SYT6: variants seen among roughly 807,000 people sequenced by gnomAD.
The protein encoded by SYT6 is synaptotagmin-6.
A neutral mutation model predicts 38.4 loss-of-function variants in SYT6; 24 were observed. The observed-to-expected ratio is 0.62, with a 90% CI of 0.45 to 0.88. The LOEUF (loss-of-function observed/expected upper bound fraction) is 0.88, where lower values mean the gene tolerates loss of function less well. Among genes scored for constraint, SYT6 ranks in the 40% least tolerant of loss-of-function variants. The pLI is 0.00. For missense variants in SYT6, 611 were observed against 621.0 expected, an observed-to-expected ratio of 0.98 and a Z score of 0.17; for synonymous variants, 265 against 241.9, an observed-to-expected ratio of 1.10 and a Z score of -0.89.
intron 3 of SYT6, 102 bp downstream of exon 3, chr1:114,137,393 G>T: frequency 7.3e-7 from 1 of 1,364,194 alleles, no homozygotes. Context: ...ATCCCAAATG[G>T]CAAAGGCCCA....
chr1:114,136,919 C>T (rs957698753), intron 3 of SYT6, among the ~76,000 whole-genome samples: 12 of 152,276 alleles, frequency 7.9e-5, no homozygotes, highest in Non-Finnish European at 2.9e-5. Flanking sequence ...TGACATGTGT[C>T]ACTTCTGCGT....
intron 1 of SYT6, among the ~76,000 whole-genome samples, chr1:114,145,502 G>GTTGTTTGTTTTTTTTTT (rs1679109157): frequency 6.3e-5 from 7 of 111,620 alleles, no homozygotes; most frequent in African/African-American, 2.2e-4. Flanking sequence ...GAGGTATTAA[G>GTTGTTTGTTTTTTTTTT]TTTTTTTTTT....
chr1:114,151,280 C>T (rs1005887322), intron 1 of SYT6, among the ~76,000 whole-genome samples: 3 of 152,302 alleles, frequency 2.0e-5, no homozygotes, highest in Admixed American at 6.5e-5. Flanking sequence ...TTCAGCCTCT[C>T]AGCTTGGACC....
At chr1:114,148,209 G>A (rs1478241180) in intron 1 of SYT6, among the ~76,000 whole-genome samples, 1 of 152,082 alleles carries the variant, frequency 6.6e-6, no homozygotes, top group East Asian at 1.9e-4. Flanking sequence ...CAGCCCTAGT[G>A]CCCCCTCCCC....
At chr1:114,122,506 T>TGTGTGTGCGTGTGCGCGC (rs60780339) in intron 3 of SYT6, among the ~76,000 whole-genome samples, 1 of 147,288 alleles carries the variant, frequency 6.8e-6, no homozygotes, top group Non-Finnish European at 1.5e-5. Flanking sequence ...TGTGTGTGTG[T>TGTGTGTGCGTGTGCGCGC]GCGCGCACAT....
In SYT6 at chr1:114,092,338, C is replaced by CTG. The variant is rs57240903; in HGVS notation, c.*52-258_*52-257dup. ...TCTCTCTCTCTCTCTCTCTCTCTCT[C>CTG]TGTGTGTGTGTGTGTGTGTGTGTGT... On this transcript the variant is annotated intron_variant, in intron 7 of 7. Coordinates refer to ENST00000610222, the MANE Select transcript of SYT6 (RefSeq NM_001253772.2). Among the ~76,000 whole-genome samples, 708 of 128,534 alleles carry CTG rather than the reference C, an allele frequency of 5.5e-3. 4 individuals are homozygous for CTG. The highest frequency in any genetic ancestry group is 0.019 in the Middle Eastern group (5 of 260). 84.3% of individuals were successfully genotyped at this position (128,534 alleles called of 152,430 possible). A position where few individuals can be genotyped will look rare whatever the true frequency, so the allele number is the denominator to read the frequency against.
intron 4 of SYT6, among the ~76,000 whole-genome samples, 179 bp from the exon 5 acceptor site, chr1:114,099,444 C>T (rs1400398164): frequency 6.6e-6 from 1 of 152,202 alleles, no homozygotes; most frequent in Non-Finnish European, 1.5e-5. Flanking sequence ...TCTGAGGACA[C>T]TCTGTGCTTA....
chr1:114,115,515 C>T (rs1025238484), intron 3 of SYT6, among the ~76,000 whole-genome samples: 3 of 151,422 alleles, frequency 2.0e-5, no homozygotes, highest in Admixed American at 2.0e-4. Context: ...TTCCTGGATT[C>T]AAGCAATTCT....
At position 114,153,591 on chromosome 1, in the gene SYT6, G is replaced by T. The variant is rs1296692541; in HGVS notation, c.163+19C>A. 1.9e-5 allele frequency: 11 copies of T among 588,354 alleles called. No homozygotes were observed. Among genetic ancestry groups the T allele is most frequent in the Non-Finnish European group, 3.4e-5 (11 of 328,280 alleles). 36.4% of individuals were successfully genotyped at this position (588,354 alleles called of 1,614,324 possible). A position where few individuals can be genotyped will look rare whatever the true frequency, so the allele number is the denominator to read the frequency against. On this transcript the variant is annotated intron_variant, in intron 1 of 7. Coordinates refer to ENST00000610222, the MANE Select transcript of SYT6 (RefSeq NM_001253772.2). Reference sequence around the variant, plus strand: ...GGACGGATATCCAGGAAGGGAGGGGGCCCTGGGTCTCCCGTTACCTGCGCC... The same window carrying T: ...GGACGGATATCCAGGAAGGGAGGGGTCCCTGGGTCTCCCGTTACCTGCGCC...
intron 3 of SYT6, among the ~76,000 whole-genome samples, chr1:114,122,110 C>G (rs900551395): frequency 3.9e-5 from 6 of 152,208 alleles, no homozygotes; most frequent in Non-Finnish European, 8.8e-5. Context: ...CTCATGGATC[C>G]TGACTGACAG....
chr1:114,153,232 C>A (rs1475299597), intron 1 of SYT6, among the ~76,000 whole-genome samples: 1 of 152,232 alleles, frequency 6.6e-6, no homozygotes, highest in Admixed American at 6.5e-5. Context: ...ATTCCTCAGC[C>A]GGGCGCCCCT....
chr1:114,133,592 C>G (rs1187936008), intron 3 of SYT6, among the ~76,000 whole-genome samples: 1 of 152,160 alleles, frequency 6.6e-6, no homozygotes, highest in Non-Finnish European at 1.5e-5. Context: ...CTTGGGCAAG[C>G]CAGGCAGAAG....
chr1:114,120,970 G>A (rs1343634935), intron 3 of SYT6, among the ~76,000 whole-genome samples: 1 of 152,224 alleles, frequency 6.6e-6, no homozygotes, highest in Non-Finnish European at 1.5e-5. Flanking sequence ...CGCTGTCCGT[G>A]CCTAGAGGCA....
rs1254145932 is a variant in SYT6 at position 114,139,728 on chromosome 1, C to T, written c.399G>A (p.Lys133=). 6.2e-7 allele frequency: 1 copy of T among 1,614,172 alleles called. No individual in the cohort carries two copies. Among genetic ancestry groups the T allele is most frequent in the Non-Finnish European group, 8.5e-7 (1 of 1,180,032 alleles). ...STLGFLEAAV[K]ISHTSPDIPA... is the part of the protein sequence containing the mutation. The stretch of plus-strand genomic sequence containing the variant: ...GGATATCTGGGGACGTGTGGCTGAT[C>T]TTCACGGCCGCCTCCAGGAAGCCCA... The change falls in exon 2 of 8, where the codon AAG becomes AAA. Residue 133 remains lysine (K), a synonymous_variant. Coordinates refer to ENST00000610222, the MANE Select transcript of SYT6 (RefSeq NM_001253772.2).
At chr1:114,127,688 A>G (rs1015357217) in intron 3 of SYT6, among the ~76,000 whole-genome samples, 9 of 152,326 alleles carry the variant, frequency 5.9e-5, no homozygotes, top group African/African-American at 2.2e-4. Flanking sequence ...CAGGGAGGCA[A>G]CCAAGCTCTT....
intron 3 of SYT6, among the ~76,000 whole-genome samples, chr1:114,111,293 G>T (rs950681556): frequency 6.6e-6 from 1 of 152,118 alleles, no homozygotes; most frequent in Admixed American, 6.5e-5. Flanking sequence ...CTTCACAAAA[G>T]CCTTGGGAGA....
At chr1:114,114,880 T>C (rs1676902039) in intron 3 of SYT6, among the ~76,000 whole-genome samples, 1 of 152,226 alleles carries the variant, frequency 6.6e-6, no homozygotes, top group Non-Finnish European at 1.5e-5. Context: ...GCAAGGGTTC[T>C]GAAGGATCGA....
rs781638657 is a variant in SYT6 at position 114,153,768 on chromosome 1, C to T, written c.5G>A (p.Ser2Asn). The T allele has an allele frequency of 1.5e-6, 1 of 679,306 alleles. No individual in the cohort carries two copies. Among genetic ancestry groups the T allele is most frequent in the South Asian group, 1.5e-5 (1 of 65,906 alleles). The allele number at this position is 679,306 out of a possible 1,614,324, so 42.1% of individuals were successfully genotyped here. A position where few individuals can be genotyped will look rare whatever the true frequency, so the allele number is the denominator to read the frequency against. ...AGGCCCGCCGGCCCCCCACACTCCG[C>T]TCATGCCCTAGACACCCAGGCTTGC... is the stretch of plus-strand genomic sequence containing the variant. M[S>N]GVWGAGGPRC... Residue 2 changes from serine (S) to asparagine (N), a missense_variant, in exon 1 of 8, where the codon AGC becomes AAC. Coordinates refer to ENST00000610222, the MANE Select transcript of SYT6 (RefSeq NM_001253772.2).
intron 3 of SYT6, among the ~76,000 whole-genome samples, chr1:114,122,756 G>C (rs937512421): frequency 6.6e-6 from 1 of 152,120 alleles, no homozygotes; most frequent in Non-Finnish European, 1.5e-5. Context: ...CACTAAAAAC[G>C]CCCTTTCAGC....
Sources: allele counts gnomAD v4.1 joint callset (sites outside exome capture counted in the v4.1 genomes callset), GRCh38; gene constraint gnomAD v4.1.1; transcripts MANE v1.5; gene names NCBI Gene and HGNC (gene_info 2026-07-23, HGNC 2026-07-21).